ABCC10: variants seen among roughly 807,000 people sequenced by gnomAD.
ABCC10 encodes ATP-binding cassette sub-family C member 10.
A neutral mutation model predicts 143.2 loss-of-function variants in ABCC10; 110 were observed. The observed-to-expected ratio is 0.77, with a 90% CI of 0.66 to 0.90. The LOEUF is 0.90. ABCC10 is among the 40% of genes least tolerant of loss of function. ABCC10 has a pLI of 0.00. For missense variants in ABCC10, 1,700 were observed against 1,900.5 expected (o/e 0.89, Z 1.96); for synonymous variants, 805 against 846.7 (o/e 0.95, Z 0.85).
intron 2 of ABCC10, among the ~76,000 whole-genome samples, chr6:43,429,392 G>GTGTGTT (rs1780878074): frequency 2.2e-5 from 1 of 46,258 alleles, no homozygotes. Flanking sequence ...GTGTGTGTGT[G>GTGTGTT]TGTGTGTGTG....
chr6:43,434,653 C>T lies in ABCC10; in HGVS notation c.1413C>T (p.Val471=). The change falls in exon 4 of 22, where the codon GTC becomes GTT. Residue 471 remains valine (V), a synonymous_variant. Coordinates refer to ENST00000372530, the MANE Select transcript of ABCC10 (RefSeq NM_001198934.2). ...LVTELLSGIR[V]IKFCGWEQAL... is the part of the protein sequence containing the mutation. The stretch of plus-strand genomic sequence containing the variant: ...CAGAGCTGCTGAGTGGCATTCGGGT[C>T]ATCAAGTTCTGCGGGTGGGAGCAGG... 2 of 1,614,096 alleles carry T rather than the reference C, an allele frequency of 1.2e-6. No homozygotes were observed. Among genetic ancestry groups the T allele is most frequent in the East Asian group, 2.2e-5 (1 of 44,880 alleles).
chr6:43,438,805 TG>T lies in ABCC10; in HGVS notation c.2127+12del, dbSNP rs776948662. On this transcript the variant is annotated intron_variant, in intron 8 of 21. Transcript: ENST00000372530. ...CAATGATGACCTCAGTGTGAGTGCC[TG>T]GCCTTGAAACCTCTTAGCTGCCTGT... The T allele has an allele frequency of 5.0e-6, 8 of 1,613,490 alleles. No homozygotes were observed. Among genetic ancestry groups the T allele is most frequent in the Non-Finnish European group, 6.8e-6 (8 of 1,179,596 alleles).
intron 12 of ABCC10, 48 bp from the exon 13 acceptor site, chr6:43,444,740 C>G: frequency 6.5e-7 from 1 of 1,535,938 alleles, no homozygotes; most frequent in East Asian, 2.3e-5. Flanking sequence ...ATAGAATGAA[C>G]AAGGGAGAGG....
At chr6:43,451,892 C>A (rs763581344), downstream of ABCC10, 12 of 1,608,562 alleles carry the variant, frequency 7.5e-6, no homozygotes, top group Non-Finnish European at 1.0e-5. The surrounding 1 kb of genome is among the most constrained non-coding windows in gnomAD (Gnocchi z 4.4). Context: ...CATCCCATCA[C>A]CAGGTTCTGG....
Position 43,447,654 on chromosome 6 carries a change from C to T in ABCC10, c.3706-30C>T, listed in dbSNP as rs188587089. On this transcript the variant is annotated intron_variant, in intron 17 of 21. Transcript: ENST00000372530. ...CTCATCTCCCCTATCTCCCTTTCCC[C>T]GTCTGTCTCCCACCCATGGACCCCA... is the stretch of plus-strand genomic sequence containing the variant. 211 of 1,611,898 alleles carry T rather than the reference C, an allele frequency of 1.3e-4. 1 individual carries two copies. In the East Asian group the frequency reaches 3.5e-3, roughly 27 times the overall value.
Position 43,435,872 on chromosome 6 carries a change from T to A in ABCC10, c.1730T>A (p.Leu577His). 6.2e-7 allele frequency: 1 copy of A among 1,614,140 alleles called. No homozygotes were observed. The highest frequency in any genetic ancestry group is 8.5e-7 in the Non-Finnish European group (1 of 1,180,032). Reference sequence around the variant, plus strand: ...GACCGGATCCAGCTTTTCCTCGACCTTCCAAACCACAACCCCCAGGCCTAC... The same window carrying A: ...GACCGGATCCAGCTTTTCCTCGACCATCCAAACCACAACCCCCAGGCCTAC... ...SLDRIQLFLD[L>H]PNHNPQAYYS... The change falls in exon 5 of 22, where the codon CTT (leucine) becomes CAT (histidine). Residue 577 changes from leucine to histidine, a missense_variant. Leu to His is a moderately conservative substitution (Grantham distance 99). Coordinates refer to ENST00000372530, the MANE Select transcript of ABCC10 (RefSeq NM_001198934.2).
chr6:43,444,293 T>C lies in ABCC10; in HGVS notation c.2629T>C (p.Trp877Arg). 6.2e-7 allele frequency: 1 copy of C among 1,614,028 alleles called. No individual in the cohort carries two copies. Among genetic ancestry groups the C allele is most frequent in the Non-Finnish European group, 8.5e-7 (1 of 1,179,994 alleles). Residue 877 changes from tryptophan (W) to arginine (R), a missense_variant, in exon 12 of 22, where the codon TGG becomes CGG. Transcript: ENST00000372530. Reference sequence around the variant, plus strand: ...GGCCTTGCACGTGTACCAAGCTTACTGGAAGGCCGTGGGCCAGGGCTTGGC... The same window carrying C: ...GGCCTTGCACGTGTACCAAGCTTACCGGAAGGCCGTGGGCCAGGGCTTGGC... ...AVALHVYQAY[W>R]KAVGQGLALA...
At chr6:43,441,380 G>T (rs1263636169) in intron 8 of ABCC10, among the ~76,000 whole-genome samples, 1 of 151,992 alleles carries the variant, frequency 6.6e-6, no homozygotes, top group Non-Finnish European at 1.5e-5. Flanking sequence ...AGAGGCTGAG[G>T]CAGGAAAATC....
chr6:43,428,161 G>A (rs1051676750), intron 2 of ABCC10, 22 bp downstream of exon 2: 146 of 1,510,860 alleles, frequency 9.7e-5, no homozygotes, highest in Non-Finnish European at 1.3e-4. Context: ...CGGGCGCAAG[G>A]CATCTGTCCA....
At chr6:43,435,057 C>T in intron 4 of ABCC10, 1 of 575,294 alleles carries the variant, frequency 1.7e-6, no homozygotes, top group Non-Finnish European at 3.1e-6. Context: ...TTCCTCTCCT[C>T]TACCTTTCAC....
chr6:43,433,661 A>G (rs1781373852), intron 3 of ABCC10, among the ~76,000 whole-genome samples: 1 of 152,196 alleles, frequency 6.6e-6, no homozygotes, highest in South Asian at 2.1e-4. Context: ...GCCAGTCACA[A>G]AGTAAGCTCT....
chr6:43,434,707 G>T lies in ABCC10; in HGVS notation c.1467G>T (p.Arg489=), dbSNP rs775693365. ...TGGGAGCCCGAGTAGAGGCCTGCCG[G>T]GCTCGAGAGCTGGGGCGACTCCGGG... ...QALGARVEAC[R]ARELGRLRVI... The change falls in exon 4 of 22, where the codon CGG becomes CGT. Residue 489 remains arginine, a synonymous_variant. Coordinates refer to ENST00000372530, the MANE Select transcript of ABCC10 (RefSeq NM_001198934.2). 2 of 1,614,168 alleles carry T rather than the reference G, an allele frequency of 1.2e-6. No individual in the cohort carries two copies. The highest frequency in any genetic ancestry group is 1.7e-6 in the Non-Finnish European group (2 of 1,180,032).
Position 43,448,033 on chromosome 6 carries a change from C to T in ABCC10, c.3959+96C>T, listed in dbSNP as rs778330782. ...AGGAAGGCTTTATATAAACTCACAG[C>T]AGCCAGGGCTGATCAGGGGGCTGAA... On this transcript the variant is annotated intron_variant, in intron 18 of 21. Coordinates refer to ENST00000372530, the MANE Select transcript of ABCC10 (RefSeq NM_001198934.2). The T allele has an allele frequency of 1.9e-6, 3 of 1,549,932 alleles. No homozygotes were observed. In the South Asian group the frequency reaches 3.5e-5, roughly 18 times the overall value.
chr6:43,437,123 C>T lies in ABCC10; in HGVS notation c.1876-811C>T, dbSNP rs116238869. On this transcript the variant is annotated intron_variant, in intron 6 of 21. Transcript: ENST00000372530. ...TCTCTGCTTCTGTGTGCCTCTCTCC[C>T]TGTATTTGCCTGGTTCTCTTCTCTC... 9.3e-3 allele frequency among the ~76,000 whole-genome samples: 1,416 copies of T among 152,268 alleles called. 27 individuals are homozygous for T. Among genetic ancestry groups the T allele is most frequent in the African/African-American group, 0.032 (1,315 of 41,550 alleles).
At chr6:43,450,533 C>A, downstream of ABCC10, 7 of 1,538,132 alleles carry the variant, frequency 4.6e-6, no homozygotes, top group Non-Finnish European at 6.1e-6. The surrounding 1 kb of genome is among the most constrained non-coding windows in gnomAD (Gnocchi z 4.5). Flanking sequence ...AAAGCCCCCA[C>A]CTCCATCACA....
At position 43,445,160 on chromosome 6, in the gene ABCC10, A is replaced by G. The variant is rs200602946; in HGVS notation, c.2876A>G (p.Asn959Ser). ...PVFPLPKAAP[N>S]GSSDIRFYLT... ...TTCCCACTGCCCAAAGCTGCCCCCA[A>G]TGGCTCCTCAGACATCCGTTTCTAC... Residue 959 changes from asparagine (N) to serine (S), a missense_variant, in exon 14 of 22, where the codon AAT becomes AGT. Coordinates refer to ENST00000372530, the MANE Select transcript of ABCC10 (RefSeq NM_001198934.2). 286 of 1,613,878 alleles carry G rather than the reference A, an allele frequency of 1.8e-4. No individual in the cohort carries two copies. The highest frequency in any genetic ancestry group is 1.3e-3 in the African/African-American group (98 of 74,956).
chr6:43,447,032 G>A (rs1464616744), intron 16 of ABCC10: 3 of 705,614 alleles, frequency 4.3e-6, no homozygotes, highest in African/African-American at 3.7e-5. Context: ...ATTTTTAGTA[G>A]AGACAGGGTT....
chr6:43,435,773 T>A lies in ABCC10; in HGVS notation c.1631T>A (p.Val544Glu), dbSNP rs763602168. Residue 544 changes from valine to glutamate, a missense_variant, in exon 5 of 22, where the codon GTG becomes GAG. Val to Glu is a moderately radical substitution (Grantham distance 121). Coordinates refer to ENST00000372530, the MANE Select transcript of ABCC10 (RefSeq NM_001198934.2). The part of the protein sequence containing the change: ...ATKVFTALAL[V>E]RMLILPLNNF... ...CAGGTGTTCACGGCCCTGGCACTGG[T>A]GCGAATGCTCATTCTTCCTCTCAAC... 2 of 1,614,068 alleles carry A rather than the reference T, an allele frequency of 1.2e-6. No individual in the cohort carries two copies. The highest frequency in any genetic ancestry group is 1.7e-5 in the Admixed American group (1 of 60,030).
intron 8 of ABCC10, 125 bp downstream of exon 8, chr6:43,438,920 G>T (rs910901308): frequency 5.1e-6 from 6 of 1,178,948 alleles, no homozygotes; most frequent in Non-Finnish European, 6.0e-6. Context: ...TCTAGGAATG[G>T]CCATCGGACT....
Sources: gnomAD v4.1 joint callset for allele counts (sites outside exome capture counted in the v4.1 genomes callset) on GRCh38, gnomAD v4.1.1 for gene constraint, Gnocchi (gnomAD v3.1) non-coding constraint, MANE v1.5 for transcripts, NCBI Gene and HGNC (gene_info 2026-07-23, HGNC 2026-07-21) for gene names.